The following GPR158 variants were observed in gnomAD, a reference collection of about 807,000 sequenced individuals.
GPR158 encodes G protein-coupled receptor 158.
A neutral mutation model predicts 78.2 loss-of-function variants in GPR158; 30 were observed. The observed-to-expected ratio is 0.38, with a 90% CI of 0.29 to 0.52. The LOEUF is 0.52. Ranked by LOEUF, GPR158 falls within the 20% of genes least tolerant of loss-of-function variation. GPR158 has a pLI of 0.83. For missense variants in GPR158, 1,463 were observed against 1,523.5 expected (o/e 0.96, Z 0.66); for synonymous variants, 581 against 591.1 (o/e 0.98, Z 0.25).
In GPR158 at chr10:25,599,318, T is replaced by A. The variant is rs1330311954; in HGVS notation, c.*44T>A. ...GAAAAGGAGGGAACCCCGGATTGGATATGAGACAGAAGATATAAGAATCAA... is the reference window on the plus strand; with the variant it reads ...GAAAAGGAGGGAACCCCGGATTGGAAATGAGACAGAAGATATAAGAATCAA... On this transcript the variant is annotated 3_prime_UTR_variant, in exon 11 of 11. Transcript: ENST00000376351. The A allele has an allele frequency of 3.7e-6, 5 of 1,359,886 alleles. No individual in the cohort carries two copies. Among genetic ancestry groups the A allele is most frequent in the Non-Finnish European group, 5.1e-6 (5 of 978,096 alleles). 84.2% of individuals were successfully genotyped at this position (1,359,886 alleles called of 1,614,324 possible).
At chr10:25,402,470 A>G (rs1483923868) in intron 3 of GPR158, among the ~76,000 whole-genome samples, 4 of 152,114 alleles carry the variant, frequency 2.6e-5, no homozygotes, top group Non-Finnish European at 5.9e-5. Flanking sequence ...TTAAATTTCC[A>G]ACTTTGATAA....
chr10:25,361,080 T>C (rs1855632478), intron 2 of GPR158, among the ~76,000 whole-genome samples: 1 of 151,816 alleles, frequency 6.6e-6, no homozygotes, highest in African/African-American at 2.4e-5. Context: ...CAACAACAAC[T>C]CTCTTTTTCC....
At chr10:25,354,769 T>C (rs1855525185) in intron 2 of GPR158, among the ~76,000 whole-genome samples, 1 of 152,024 alleles carries the variant, frequency 6.6e-6, no homozygotes, top group South Asian at 2.1e-4. Flanking sequence ...TTTTCTCAGC[T>C]TTTGTTTGTC....
At chr10:25,450,037 T>G (rs780594406) in intron 4 of GPR158, among the ~76,000 whole-genome samples, 6 of 150,526 alleles carry the variant, frequency 4.0e-5, no homozygotes, top group Non-Finnish European at 7.4e-5. Flanking sequence ...CACTGCCATG[T>G]CCACCACCTT....
intron 1 of GPR158, among the ~76,000 whole-genome samples, chr10:25,198,895 G>T (rs764094799): frequency 6.6e-6 from 1 of 151,844 alleles, no homozygotes; most frequent in African/African-American, 2.4e-5. Context: ...TTGAGGGTTT[G>T]GTTGAAGTCT....
chr10:25,469,540 CT>C (rs1835466127), intron 5 of GPR158, among the ~76,000 whole-genome samples: 1 of 152,116 alleles, frequency 6.6e-6, no homozygotes, highest in Non-Finnish European at 1.5e-5. Context: ...AATCCCAGCA[CT>C]TTGGGAGGCC....
chr10:25,433,661 G>A (rs1284443847), intron 4 of GPR158, among the ~76,000 whole-genome samples: 1 of 149,580 alleles, frequency 6.7e-6, no homozygotes. Context: ...TAGTTTATCT[G>A]AAGGGCATTT....
chr10:25,598,248 G>C lies in GPR158; in HGVS notation c.2622G>C (p.Pro874=). 6.2e-7 allele frequency: 1 copy of C among 1,614,070 alleles called. No individual in the cohort carries two copies. The highest frequency in any genetic ancestry group is 8.5e-7 in the Non-Finnish European group (1 of 1,180,010). Residue 874 remains proline (P), a synonymous_variant, in exon 11 of 11, where the codon CCG becomes CCC. Transcript: ENST00000376351. The part of the protein sequence containing the change: ...DSEAESTESV[P]LVCKSASAHN... ...AGGCTGAGTCCACGGAGTCGGTGCC[G>C]TTGGTGTGCAAGTCAGCAAGCGCTC... is the stretch of plus-strand genomic sequence containing the variant.
intron 4 of GPR158, among the ~76,000 whole-genome samples, chr10:25,451,298 C>T (rs768750934): frequency 2.6e-4 from 40 of 152,096 alleles, no homozygotes; most frequent in Non-Finnish European, 5.0e-4. Flanking sequence ...ATGAAATTGC[C>T]CACTTCTTAG....
chr10:25,586,257 GAATA>G (rs1025586346), intron 7 of GPR158, among the ~76,000 whole-genome samples: 24 of 152,022 alleles, frequency 1.6e-4, no homozygotes, highest in African/African-American at 4.3e-4. Flanking sequence ...CCACAAGCAA[GAATA>G]AATAAATAAA....
At chr10:25,519,887 G>A (rs1336489382) in intron 5 of GPR158, among the ~76,000 whole-genome samples, 3 of 65,680 alleles carry the variant, frequency 4.6e-5, no homozygotes, top group African/African-American at 2.6e-4. Flanking sequence ...TCTTTGTGGC[G>A]TTCTCTGTAT....
chr10:25,475,184 A>C (rs1835565622), intron 5 of GPR158, among the ~76,000 whole-genome samples: 1 of 152,018 alleles, frequency 6.6e-6, no homozygotes, highest in African/African-American at 2.4e-5. Flanking sequence ...ACCTGTACTT[A>C]TGGTGATAAC....
chr10:25,175,995 T>A lies in GPR158; in HGVS notation c.575T>A (p.Leu192His). ...SLSAPAPQVF[L>H]QATREESRIL... ...TCCGCACCGGCCCCACAGGTCTTCC[T>A]CCAGGCCACGCGCGAGGAGAGCCGC... is the stretch of plus-strand genomic sequence containing the variant. The change falls in exon 1 of 11, where the codon CTC becomes CAC. Residue 192 changes from leucine (L) to histidine (H), a missense_variant. By Grantham distance (99) the Leu-to-His change is moderately conservative. Coordinates refer to ENST00000376351, the MANE Select transcript of GPR158 (RefSeq NM_020752.3). The surrounding 1 kb of genome is among the most constrained non-coding windows in gnomAD (Gnocchi z 6.4). 6.2e-7 allele frequency: 1 copy of A among 1,613,100 alleles called. No homozygotes were observed. The highest frequency in any genetic ancestry group is 8.5e-7 in the Non-Finnish European group (1 of 1,179,888).
At chr10:25,395,246 A>G (rs1388532781) in intron 2 of GPR158, among the ~76,000 whole-genome samples, 1 of 152,146 alleles carries the variant, frequency 6.6e-6, no homozygotes. Context: ...TATGATAGTG[A>G]AATATTTTGA....
At chr10:25,574,823 C>T (rs1364272884) in intron 7 of GPR158, among the ~76,000 whole-genome samples, 5 of 151,926 alleles carry the variant, frequency 3.3e-5, no homozygotes, top group East Asian at 1.9e-4. Flanking sequence ...AGGCGGAGGT[C>T]GCAGTAAGCC....
intron 2 of GPR158, among the ~76,000 whole-genome samples, chr10:25,360,612 A>G (rs931423591): frequency 6.6e-6 from 1 of 150,982 alleles, no homozygotes; most frequent in Non-Finnish European, 1.5e-5. Flanking sequence ...TGGTCTATAT[A>G]TCTGTTTTGG....
chr10:25,200,130 C>G (rs761710101), intron 1 of GPR158, among the ~76,000 whole-genome samples: 2 of 152,138 alleles, frequency 1.3e-5, no homozygotes, highest in Non-Finnish European at 2.9e-5. Context: ...ACATTCCCAC[C>G]AATAGTGTAT....
chr10:25,431,926 A>G (rs949665249), intron 4 of GPR158, among the ~76,000 whole-genome samples: 5 of 152,198 alleles, frequency 3.3e-5, no homozygotes, highest in African/African-American at 4.8e-5. Context: ...TGGGTGCAGC[A>G]CACCAGCATG....
intron 1 of GPR158, among the ~76,000 whole-genome samples, chr10:25,192,315 T>C (rs1411039503): frequency 1.3e-5 from 2 of 152,218 alleles, no homozygotes; most frequent in African/African-American, 4.8e-5. Flanking sequence ...CCCAGCCAAA[T>C]GGAACTGTGA....
Sources: gnomAD v4.1 joint callset for allele counts (sites outside exome capture counted in the v4.1 genomes callset) on GRCh38, gnomAD v4.1.1 for gene constraint, Gnocchi (gnomAD v3.1) non-coding constraint, MANE v1.5 for transcripts, NCBI Gene and HGNC (gene_info 2026-07-23, HGNC 2026-07-21) for gene names.